ADNP: variants seen among roughly 807,000 people sequenced by gnomAD.
The protein encoded by ADNP is activity-dependent neuroprotector homeobox protein.
A neutral mutation model predicts 84.9 loss-of-function variants in ADNP; 4 were observed. The ratio of observed to expected loss-of-function variants is 0.05; its 90% CI spans 0.02 to 0.11. The LOEUF (loss-of-function observed/expected upper bound fraction) is 0.11. ADNP is among the 10% of genes least tolerant of loss of function. ADNP has a pLI of 1.00. For missense variants in ADNP, 1,132 were observed against 1,326.0 expected, an observed-to-expected ratio of 0.85 and a Z score of 2.27; for synonymous variants, 554 against 468.1, an observed-to-expected ratio of 1.18 and a Z score of -2.37.
chr20:50,907,287 C>T (rs1362635664), intron 2 of ADNP, among the ~76,000 whole-genome samples: 18 of 135,988 alleles, frequency 1.3e-4, no homozygotes, highest in South Asian at 4.6e-4. Context: ...TTTTTTGAGA[C>T]GGAGTTTTGC....
chr20:50,893,939 T>G lies in ADNP; in HGVS notation c.775A>C (p.Asn259His), dbSNP rs1568710433. Residue 259 changes from asparagine (N) to histidine (H), a missense_variant, in exon 6 of 6, where the codon AAT becomes CAT. Physicochemically the swap from Asn to His is moderately conservative, Grantham distance 68. Around this residue, in one of 10 missense-constraint regions of ADNP, gnomAD observed 130 missense variants for 183.7 expected, o/e 0.71. Coordinates refer to ENST00000621696, the MANE Select transcript of ADNP (RefSeq NM_001282531.3). This position sits in a 1 kb window ranked among gnomAD's most constrained non-coding sequence, Gnocchi z 4.4. ...YQVTAMIGHT[N>H]VVVPRSKPLM... ...GGTTTGGATCGGGGAACCACTACAT[T>G]TGTGTGCCCAATCATGGCAGTGACC... The G allele has an allele frequency of 6.2e-7, 1 of 1,614,102 alleles. No homozygotes were observed. Among genetic ancestry groups the G allele is most frequent in the Non-Finnish European group, 8.5e-7 (1 of 1,179,966 alleles).
chr20:50,898,067 C>T (rs1202115012), intron 5 of ADNP, among the ~76,000 whole-genome samples: 1 of 152,178 alleles, frequency 6.6e-6, no homozygotes, highest in East Asian at 1.9e-4. Context: ...AGACTTGAAG[C>T]CTGGCATTGC....
At chr20:50,924,061 C>G (rs1258659018) in intron 2 of ADNP, among the ~76,000 whole-genome samples, 3 of 152,160 alleles carry the variant, frequency 2.0e-5, no homozygotes, top group Non-Finnish European at 4.4e-5. Context: ...CAGAGCTTTA[C>G]AGATTGTCAA....
intron 2 of ADNP, among the ~76,000 whole-genome samples, chr20:50,908,450 G>A (rs1187203665): frequency 1.3e-5 from 2 of 152,288 alleles, no homozygotes; most frequent in Admixed American, 6.5e-5. Flanking sequence ...AGAAACATAA[G>A]TTCAAATCAA....
intron 5 of ADNP, among the ~76,000 whole-genome samples, chr20:50,895,857 C>T (rs954795574): frequency 2.6e-5 from 4 of 152,202 alleles, no homozygotes; most frequent in African/African-American, 9.7e-5. Flanking sequence ...CAATAATAAC[C>T]TCAGCTTGCT....
At position 50,931,257 on chromosome 20, in the gene ADNP, G is replaced by C. The variant is rs1341014378; in HGVS notation, c.-696C>G. ...GCACAAGATGGCGGCGGCCGGGGGGGGGGGGGCGGGAGTTCAGCTCATGGA... is the reference window on the plus strand; with the variant it reads ...GCACAAGATGGCGGCGGCCGGGGGGCGGGGGGCGGGAGTTCAGCTCATGGA... On this transcript the variant is annotated 5_prime_UTR_variant, in exon 1 of 6. Transcript: ENST00000621696. 4.7e-5 allele frequency: 5 copies of C among 106,372 alleles called. No individual in the cohort carries two copies. Among genetic ancestry groups the C allele is most frequent in the Non-Finnish European group, 6.1e-5 (3 of 49,310 alleles). The allele number at this position is 106,372 out of a possible 1,614,324, so 6.6% of individuals were successfully genotyped here.
In ADNP at chr20:50,893,483, AAGG is replaced by A; in HGVS notation, c.1228_1230del (p.Pro410del). 6.2e-7 allele frequency: 1 copy of A among 1,613,926 alleles called. No homozygotes were observed. The highest frequency in any genetic ancestry group is 1.1e-5 in the South Asian group (1 of 91,070). ...CTGGATGCCTGTGACTGAGAGAGGG[AAGG>A]AGACTTTAACTGGCCCGATGAGAGA... On this transcript the variant is annotated inframe_deletion, in exon 6 of 6. Transcript: ENST00000621696. This position sits in a 1 kb window ranked among gnomAD's most constrained non-coding sequence, Gnocchi z 4.4.
chr20:50,916,060 T>C (rs906427152), intron 2 of ADNP, among the ~76,000 whole-genome samples: 1 of 152,308 alleles, frequency 6.6e-6, no homozygotes, highest in East Asian at 1.9e-4. Flanking sequence ...CCTCCAAAAA[T>C]AAACACTGAT....
Position 50,892,886 on chromosome 20 carries a change from G to T in ADNP, c.1828C>A (p.Gln610Lys), listed in dbSNP as rs1296638410. The T allele has an allele frequency of 6.2e-7, 1 of 1,614,266 alleles. No homozygotes were observed. The highest frequency in any genetic ancestry group is 2.2e-5 in the East Asian group (1 of 44,894). The change falls in exon 6 of 6, where the codon CAA becomes AAA. Residue 610 changes from glutamine (Q) to lysine (K), a missense_variant. This residue lies in a region of ADNP where 53 missense variants were observed against 39.8 expected (regional missense o/e 1.33). Coordinates refer to ENST00000621696, the MANE Select transcript of ADNP (RefSeq NM_001282531.3). ...KADIPVKSSP[Q>K]AAVPYKKDVG... ...TCTTTTTTATAGGGCACTGCAGCTT[G>T]AGGTGAACTTTTTACAGGGATATCT...
intron 2 of ADNP, among the ~76,000 whole-genome samples, chr20:50,920,262 C>CAAAAAAAAAAAA (rs56181933): frequency 6.2e-5 from 4 of 64,512 alleles, no homozygotes; most frequent in Non-Finnish European, 8.4e-5. Flanking sequence ...ATTCCACCTC[C>CAAAAAAAAAAAA]AAAAAAAAAA....
chr20:50,902,230 G>C (rs1982056764), intron 4 of ADNP, 121 bp from the exon 5 acceptor site: 2 of 681,466 alleles, frequency 2.9e-6, no homozygotes, highest in African/African-American at 1.8e-5. Context: ...ACGTCAACAA[G>C]GACTTAAACT....
intron 2 of ADNP, among the ~76,000 whole-genome samples, chr20:50,913,342 A>T (rs1319903111): frequency 1.3e-5 from 2 of 151,600 alleles, no homozygotes; most frequent in East Asian, 3.9e-4. Flanking sequence ...AGGCTACTAC[A>T]ATATAAACAA....
In ADNP at chr20:50,891,237, C is replaced by G; in HGVS notation, c.*168G>C. 7.3e-7 allele frequency: 1 copy of G among 1,368,820 alleles called. No homozygotes were observed. Among genetic ancestry groups the G allele is most frequent in the Non-Finnish European group, 9.4e-7 (1 of 1,067,292 alleles). The allele number at this position is 1,368,820 out of a possible 1,614,324, so 84.8% of individuals were successfully genotyped here. On this transcript the variant is annotated 3_prime_UTR_variant, in exon 6 of 6. Transcript: ENST00000621696. Reference sequence around the variant, plus strand: ...AGAGAAGGTTCTGAAGCAAGAACAGCCTGTCCTGTCATAGACTTAGAAATA... The same window carrying G: ...AGAGAAGGTTCTGAAGCAAGAACAGGCTGTCCTGTCATAGACTTAGAAATA...
chr20:50,931,175 CTG>C lies in ADNP; in HGVS notation c.-616_-615del, dbSNP rs1984733547. The C allele has an allele frequency of 6.8e-6, 1 of 147,580 alleles. No individual in the cohort carries two copies. Among genetic ancestry groups the C allele is most frequent in the South Asian group, 1.9e-4 (1 of 5,238 alleles). The allele number at this position is 147,580 out of a possible 1,614,324, so 9.1% of individuals were successfully genotyped here. A position where few individuals can be genotyped will look rare whatever the true frequency, so the allele number is the denominator to read the frequency against. ...CAGCAGCGGGGACCGAGAGAGGGAG[CTG>C]TGTCTGAGAAGACGCCAAAATCCCC... On this transcript the variant is annotated 5_prime_UTR_variant, in exon 1 of 6. Coordinates refer to ENST00000621696, the MANE Select transcript of ADNP (RefSeq NM_001282531.3).
chr20:50,920,094 T>C (rs1042912233), intron 2 of ADNP, among the ~76,000 whole-genome samples: 1 of 148,876 alleles, frequency 6.7e-6, no homozygotes, highest in Non-Finnish European at 1.5e-5. Context: ...CTGGCGAATA[T>C]GGTGAAACCC....
chr20:50,911,493 C>G (rs1983028720), intron 2 of ADNP, among the ~76,000 whole-genome samples: 1 of 151,562 alleles, frequency 6.6e-6, no homozygotes, highest in African/African-American at 2.4e-5. Context: ...CACTAAAACC[C>G]AGATTTCTTT....
intron 2 of ADNP, among the ~76,000 whole-genome samples, chr20:50,919,100 T>A (rs2122960022): frequency 6.6e-6 from 1 of 152,094 alleles, no homozygotes; most frequent in African/African-American, 2.4e-5. Context: ...TCATTACATA[T>A]TATCTTTCAG....
chr20:50,899,774 AAC>A (rs1041535547), intron 5 of ADNP, among the ~76,000 whole-genome samples: 4 of 146,830 alleles, frequency 2.7e-5, no homozygotes, highest in African/African-American at 1.0e-4. Context: ...AGTTTTTAAC[AAC>A]AGTTTAAAAA....
At chr20:50,913,529 G>A (rs1394111691) in intron 2 of ADNP, among the ~76,000 whole-genome samples, 1 of 152,146 alleles carries the variant, frequency 6.6e-6, no homozygotes, top group Non-Finnish European at 1.5e-5. Context: ...ACTAAAAAAT[G>A]TTAAGTTATG....
Sources: allele counts gnomAD v4.1 joint callset (sites outside exome capture counted in the v4.1 genomes callset), GRCh38; gene constraint gnomAD v4.1.1; regional missense constraint gnomAD v4.1.1; non-coding constraint Gnocchi (gnomAD v3.1); transcripts MANE v1.5; gene names NCBI Gene and HGNC (gene_info 2026-07-23, HGNC 2026-07-21).